Variants in PPP1R9A observed in about 807,000 individuals in gnomAD.
PPP1R9A encodes protein phosphatase 1 regulatory subunit 9A.
Under a neutral mutation model 141.9 loss-of-function variants are expected in PPP1R9A, and 59 were observed. The observed-to-expected ratio is 0.42, with a 90% confidence interval of 0.34 to 0.52. The LOEUF (loss-of-function observed/expected upper bound fraction) is 0.52, where lower values mean the gene tolerates loss of function less well. PPP1R9A is among the 20% of genes least tolerant of loss of function. PPP1R9A has a pLI of 0.10. For missense variants in PPP1R9A, 1,444 were observed against 1,611.9 expected (o/e 0.90, Z 1.78); for synonymous variants, 500 against 569.7 (o/e 0.88, Z 1.74).
chr7:95,290,391 A>C lies in PPP1R9A; in HGVS notation c.*88A>C, dbSNP rs1240873821. The C allele has an allele frequency of 1.1e-5, 15 of 1,393,418 alleles. No individual in the cohort carries two copies. The highest frequency in any genetic ancestry group is 1.3e-5 in the Non-Finnish European group (13 of 1,037,016). 86.3% of individuals were successfully genotyped at this position (1,393,418 alleles called of 1,614,324 possible). On this transcript the variant is annotated 3_prime_UTR_variant, in exon 20 of 20. Transcript: ENST00000433360. ...CTCTCCTCCAGAGGATGAAAAAGAAACTAAATGATAAGGGTAATGCGGCTC... is the reference window on the plus strand; with the variant it reads ...CTCTCCTCCAGAGGATGAAAAAGAACCTAAATGATAAGGGTAATGCGGCTC...
intron 2 of PPP1R9A, among the ~76,000 whole-genome samples, chr7:94,947,126 A>G (rs973836952): frequency 1.3e-5 from 2 of 152,172 alleles, no homozygotes; most frequent in Non-Finnish European, 1.5e-5. Context: ...TTGTTACTTT[A>G]TAGAAAAGTC....
At chr7:95,121,449 C>T (rs1019986849) in intron 4 of PPP1R9A, among the ~76,000 whole-genome samples, 20 of 122,764 alleles carry the variant, frequency 1.6e-4, no homozygotes, top group Admixed American at 3.5e-4. Flanking sequence ...ATTTGTCTGT[C>T]TGTCTGTCTG....
chr7:95,198,960 C>T (rs1223562742), intron 6 of PPP1R9A, among the ~76,000 whole-genome samples: 1 of 152,114 alleles, frequency 6.6e-6, no homozygotes, highest in African/African-American at 2.4e-5. Context: ...GTGTCTTTTT[C>T]CCCCAGGAAG....
intron 2 of PPP1R9A, among the ~76,000 whole-genome samples, chr7:95,081,427 A>T (rs973756114): frequency 6.6e-6 from 1 of 152,218 alleles, no homozygotes; most frequent in Admixed American, 6.5e-5. Context: ...GAGATATGGA[A>T]ACTATGAAAA....
At chr7:95,170,993 T>C (rs938064696) in intron 5 of PPP1R9A, among the ~76,000 whole-genome samples, 1 of 151,594 alleles carries the variant, frequency 6.6e-6, no homozygotes, top group African/African-American at 2.4e-5. Context: ...CATGAAGTAG[T>C]AGTATATTAC....
intron 5 of PPP1R9A, among the ~76,000 whole-genome samples, chr7:95,169,382 G>A (rs888595860): frequency 4.0e-5 from 6 of 151,848 alleles, no homozygotes; most frequent in Non-Finnish European, 8.8e-5. Flanking sequence ...CCAGAGGCTG[G>A]GAAGAGTGTA....
chr7:95,266,575 T>C (rs1457090717), intron 12 of PPP1R9A, among the ~76,000 whole-genome samples: 1 of 152,006 alleles, frequency 6.6e-6, no homozygotes, highest in African/African-American at 2.4e-5. Flanking sequence ...CATTAATTAG[T>C]TATGTAAATG....
chr7:95,103,806 G>A (rs571740116), intron 2 of PPP1R9A, among the ~76,000 whole-genome samples: 27 of 152,280 alleles, frequency 1.8e-4, no homozygotes, highest in South Asian at 4.1e-4. Flanking sequence ...ATGAAAAACC[G>A]TGGGAACTCT....
intron 2 of PPP1R9A, among the ~76,000 whole-genome samples, chr7:95,008,853 T>C (rs970032245): frequency 1.3e-5 from 2 of 152,090 alleles, no homozygotes; most frequent in Admixed American, 6.6e-5. Flanking sequence ...CATGCACACG[T>C]ATGTTTATTT....
intron 4 of PPP1R9A, among the ~76,000 whole-genome samples, chr7:95,150,800 T>TAAAAAAA (rs543259152): frequency 6.6e-6 from 1 of 152,152 alleles, no homozygotes; most frequent in Non-Finnish European, 1.5e-5. Context: ...TACGAAAAGC[T>TAAAAAAA]CTTAAAACCT....
chr7:95,012,269 G>T (rs867197200), intron 2 of PPP1R9A, among the ~76,000 whole-genome samples: 1 of 152,114 alleles, frequency 6.6e-6, no homozygotes, highest in Non-Finnish European at 1.5e-5. Flanking sequence ...AAGGTAAAGA[G>T]GAAGCAGGCT....
Position 95,176,210 on chromosome 7 carries a change from G to A in PPP1R9A, c.1754+14239G>A, listed in dbSNP as rs1047181003. On this transcript the variant is annotated intron_variant, in intron 5 of 19. Coordinates refer to ENST00000433360, the MANE Select transcript of PPP1R9A (RefSeq NM_001166160.2). Reference sequence around the variant, plus strand: ...TGCACACAACCCCCAGTACCAGCCCGGAGCCTGGTGGATTTGCTGGGTGGC... The same window carrying A: ...TGCACACAACCCCCAGTACCAGCCCAGAGCCTGGTGGATTTGCTGGGTGGC... Among the ~76,000 whole-genome samples, 5 of 152,038 alleles carry A rather than the reference G, an allele frequency of 3.3e-5. No homozygotes were observed. The East Asian group carries it at 5.8e-4, about 18-fold the overall frequency.
chr7:94,918,367 C>T (rs941114376), intron 2 of PPP1R9A, among the ~76,000 whole-genome samples: 6 of 151,816 alleles, frequency 4.0e-5, no homozygotes, highest in African/African-American at 7.3e-5. Flanking sequence ...ATAATTCTAC[C>T]GATGGAGAGT....
intron 2 of PPP1R9A, among the ~76,000 whole-genome samples, chr7:95,012,767 C>T (rs564045961): frequency 6.6e-6 from 1 of 152,188 alleles, no homozygotes; most frequent in East Asian, 1.9e-4. Context: ...GGACTAGGAT[C>T]ACTGAGTATA....
intron 2 of PPP1R9A, among the ~76,000 whole-genome samples, chr7:94,986,787 AT>A (rs1458785368): frequency 4.6e-5 from 7 of 152,338 alleles, no homozygotes; most frequent in East Asian, 3.9e-4. Context: ...TAGATTTATG[AT>A]TTTGACTTTT....
intron 2 of PPP1R9A, among the ~76,000 whole-genome samples, chr7:95,054,961 G>A (rs1411170925): frequency 2.6e-5 from 4 of 152,056 alleles, no homozygotes; most frequent in Non-Finnish European, 4.4e-5. Flanking sequence ...TTTAACTTAC[G>A]TGATCAATTC....
rs1415863721 is a variant in PPP1R9A at position 95,288,466 on chromosome 7, C to T, written c.3730-70C>T. Reference sequence around the variant, plus strand: ...GTGGCTCTCATAGGTTAAGAAATTCCTTTTGATAGCATAATATGAGCCATA... The same window carrying T: ...GTGGCTCTCATAGGTTAAGAAATTCTTTTTGATAGCATAATATGAGCCATA... On this transcript the variant is annotated intron_variant, in intron 18 of 19. Coordinates refer to ENST00000433360, the MANE Select transcript of PPP1R9A (RefSeq NM_001166160.2). The T allele has an allele frequency of 1.3e-5, 20 of 1,537,396 alleles. No individual in the cohort carries two copies. In the East Asian group the frequency reaches 4.1e-4, roughly 31 times the overall value.
intron 7 of PPP1R9A, among the ~76,000 whole-genome samples, chr7:95,205,455 G>A (rs1790582054): frequency 6.6e-6 from 1 of 152,156 alleles, no homozygotes; most frequent in Non-Finnish European, 1.5e-5. Flanking sequence ...AGATGTCATA[G>A]AAACTACCAC....
At chr7:95,175,986 A>C (rs1360269858) in intron 5 of PPP1R9A, among the ~76,000 whole-genome samples, 1 of 152,126 alleles carries the variant, frequency 6.6e-6, no homozygotes, top group Non-Finnish European at 1.5e-5. Context: ...TCTGACTTGG[A>C]CAGACAGAGC....
Sources: gnomAD v4.1 joint callset for allele counts (sites outside exome capture counted in the v4.1 genomes callset) on GRCh38, gnomAD v4.1.1 for gene constraint, MANE v1.5 for transcripts, NCBI Gene and HGNC (gene_info 2026-07-23, HGNC 2026-07-21) for gene names.